FAM120A: variants seen among roughly 807,000 people sequenced by gnomAD.
The protein encoded by FAM120A is family with sequence similarity 120 member A, also known as constitutive coactivator of PPAR-gamma-like protein 1.
Under a neutral mutation model 109.7 loss-of-function variants are expected in FAM120A, and 15 were observed. The observed-to-expected ratio is 0.14, with a 90% CI of 0.09 to 0.21. The LOEUF is 0.21. Ranked by LOEUF, FAM120A falls within the 10% of genes least tolerant of loss-of-function variation. The pLI is 1.00. For missense variants in FAM120A, 899 were observed against 1,439.3 expected (o/e 0.62, Z 6.07); for synonymous variants, 493 against 572.8 (o/e 0.86, Z 1.99).
rs372034012 is a variant in FAM120A, at chr9:93,523,635, G to T, written c.1419-3520G>T. ...AAGACAAACGTGTTGACACAGTTAG[G>T]TGTCTCTGAACCCTCACTTGTGGGG... On this transcript the variant is annotated intron_variant, in intron 7 of 17. Transcript: ENST00000277165. Among the ~76,000 whole-genome samples, 21 of 152,268 alleles carry T rather than the reference G, an allele frequency of 1.4e-4. No homozygotes were observed. The East Asian group carries it at 2.5e-3, about 18-fold the overall frequency.
At chr9:93,542,914 A>G (rs866002486) in intron 10 of FAM120A, among the ~76,000 whole-genome samples, 1 of 152,370 alleles carries the variant, frequency 6.6e-6, no homozygotes, top group South Asian at 2.1e-4. Context: ...TAAAATATTA[A>G]AATGGATTTT....
rs894210896 is a variant in FAM120A at position 93,459,867 on chromosome 9, A to G, written c.474+7478A>G. 1.3e-4 allele frequency among the ~76,000 whole-genome samples: 20 copies of G among 152,252 alleles called. 1 individual carries two copies. The highest frequency in any genetic ancestry group is 4.8e-4 in the African/African-American group (20 of 41,470). The stretch of plus-strand genomic sequence containing the variant: ...GAATAATGTGGCCTAAAATACCAGT[A>G]GTGCCAAGGTAAGGAAATCTTGGTA... On this transcript the variant is annotated intron_variant, in intron 1 of 17. Coordinates refer to ENST00000277165, the MANE Select transcript of FAM120A (RefSeq NM_014612.5).
At chr9:93,506,361 A>G (rs530046131) in intron 5 of FAM120A, among the ~76,000 whole-genome samples, 1 of 152,298 alleles carries the variant, frequency 6.6e-6, no homozygotes, top group South Asian at 2.1e-4. Flanking sequence ...AGCATTCATA[A>G]CATCTTTTCT....
Position 93,562,345 on chromosome 9 carries a change from CA to C in FAM120A, c.3045+42del, listed in dbSNP as rs771128070. The C allele has an allele frequency of 1.1e-5, 16 of 1,480,750 alleles. 1 individual carries two copies. In the South Asian group the frequency reaches 1.8e-4, roughly 17 times the overall value. 91.7% of individuals were successfully genotyped at this position (1,480,750 alleles called of 1,614,324 possible). A position where few individuals can be genotyped will look rare whatever the true frequency, so the allele number is the denominator to read the frequency against. On this transcript the variant is annotated intron_variant, in intron 17 of 17. Coordinates refer to ENST00000277165, the MANE Select transcript of FAM120A (RefSeq NM_014612.5). The stretch of plus-strand genomic sequence containing the variant: ...GATGTTTGTGCCAGTTCAATGCCCT[CA>C]GGGATGTCTCCTGTCTGAGCTTGCA...
chr9:93,488,498 C>G (rs1431870452), intron 3 of FAM120A, among the ~76,000 whole-genome samples: 7 of 152,202 alleles, frequency 4.6e-5, no homozygotes, highest in African/African-American at 9.6e-5. Flanking sequence ...TTCTCACACT[C>G]TCCTGGCAGA....
chr9:93,540,038 G>A (rs2131506005), intron 10 of FAM120A, among the ~76,000 whole-genome samples: 1 of 152,356 alleles, frequency 6.6e-6, no homozygotes, highest in East Asian at 1.9e-4. Context: ...AATGAGGGGT[G>A]CTAGGTGCTT....
intron 5 of FAM120A, among the ~76,000 whole-genome samples, chr9:93,501,560 T>G (rs1372158848): frequency 6.6e-6 from 1 of 152,218 alleles, no homozygotes; most frequent in South Asian, 2.1e-4. Context: ...ATGAACTGCC[T>G]GTAAATCCTC....
intron 12 of FAM120A, among the ~76,000 whole-genome samples, chr9:93,551,740 C>A (rs1862106310): frequency 6.6e-6 from 1 of 152,110 alleles, no homozygotes; most frequent in African/African-American, 2.4e-5. Context: ...TGTTAAGTGA[C>A]CCTCCTCAAT....
At chr9:93,497,684 G>T in intron 4 of FAM120A, 85 bp downstream of exon 4, 1 of 1,465,586 alleles carries the variant, frequency 6.8e-7, no homozygotes. Context: ...GGAAGAAGGG[G>T]ACTTGAGGGT....
chr9:93,483,058 CTT>C (rs936467260), intron 3 of FAM120A, among the ~76,000 whole-genome samples: 6 of 152,070 alleles, frequency 3.9e-5, no homozygotes, highest in Non-Finnish European at 2.9e-5. Flanking sequence ...TTTCTGAAAT[CTT>C]TTTTTAAAAA....
rs1857243859 is a variant in FAM120A at position 93,451,902 on chromosome 9, C to T, written c.-14C>T. ...CCCCCCGCCCGCACCCGCGCCCGCG[C>T]CCCCGCCGCCGCCATGGGCGTGCAG... On this transcript the variant is annotated 5_prime_UTR_variant, in exon 1 of 18. Transcript: ENST00000277165. The T allele has an allele frequency of 1.3e-5, 16 of 1,269,426 alleles. No homozygotes were observed. The highest frequency in any genetic ancestry group is 5.8e-5 in the South Asian group (2 of 34,220). The allele number at this position is 1,269,426 out of a possible 1,614,324, so 78.6% of individuals were successfully genotyped here.
chr9:93,468,860 C>T (rs543358300), intron 1 of FAM120A, among the ~76,000 whole-genome samples: 4 of 152,086 alleles, frequency 2.6e-5, no homozygotes, highest in Admixed American at 6.5e-5. Flanking sequence ...TTTTACAGCT[C>T]TTGAAATATA....
chr9:93,517,572 G>A lies in FAM120A; in HGVS notation c.1418+1303G>A, dbSNP rs77798283. Among the ~76,000 whole-genome samples the A allele has an allele frequency of 4.4e-3, 677 of 152,320 alleles. 5 individuals are homozygous for A. The highest frequency in any genetic ancestry group is 0.015 in the African/African-American group (628 of 41,580). ...CGTGACTCATGTCAGCAAGGTCCAA[G>A]TGTCTGTACAATACAGTTTTTGTCT... On this transcript the variant is annotated intron_variant, in intron 7 of 17. Coordinates refer to ENST00000277165, the MANE Select transcript of FAM120A (RefSeq NM_014612.5).
At chr9:93,488,383 T>C (rs1267731235) in intron 3 of FAM120A, among the ~76,000 whole-genome samples, 1 of 152,088 alleles carries the variant, frequency 6.6e-6, no homozygotes, top group African/African-American at 2.4e-5. Context: ...CCTCCTCTCC[T>C]CACCGGGGCC....
intron 2 of FAM120A, among the ~76,000 whole-genome samples, chr9:93,473,054 G>T (rs1351688098): frequency 6.6e-6 from 1 of 150,424 alleles, no homozygotes; most frequent in Non-Finnish European, 1.5e-5. Context: ...GTCTTGCTTT[G>T]TTGCCCAGGC....
intron 7 of FAM120A, among the ~76,000 whole-genome samples, chr9:93,519,967 C>G (rs760275901): frequency 6.6e-6 from 1 of 152,096 alleles, no homozygotes; most frequent in Non-Finnish European, 1.5e-5. Flanking sequence ...CCTCAAACTC[C>G]TGGGCTCAGG....
At chr9:93,496,828 G>A (rs763438808) in intron 3 of FAM120A, among the ~76,000 whole-genome samples, 41 of 152,280 alleles carry the variant, frequency 2.7e-4, no homozygotes, top group Non-Finnish European at 2.8e-4. Flanking sequence ...GTTAACTTAC[G>A]TTTTTCTAGT....
chr9:93,479,737 C>T (rs761388619), intron 3 of FAM120A, among the ~76,000 whole-genome samples: 7 of 152,184 alleles, frequency 4.6e-5, no homozygotes, highest in Non-Finnish European at 1.0e-4. Flanking sequence ...CATCCTTAGA[C>T]TCATCTTTTA....
At chr9:93,509,506 C>T (rs1309254405) in intron 5 of FAM120A, among the ~76,000 whole-genome samples, 6 of 152,136 alleles carry the variant, frequency 3.9e-5, no homozygotes, top group Non-Finnish European at 5.9e-5. Flanking sequence ...TTGTCAAGAA[C>T]GTGTTTAGTT....
Sources: allele counts gnomAD v4.1 joint callset (sites outside exome capture counted in the v4.1 genomes callset), GRCh38; gene constraint gnomAD v4.1.1; transcripts MANE v1.5; gene names NCBI Gene and HGNC (gene_info 2026-07-23, HGNC 2026-07-21).